Variants in ZNF718 observed in about 807,000 individuals in gnomAD.
The protein encoded by ZNF718 is zinc finger protein 718.
A neutral mutation model predicts 2.6 loss-of-function variants in ZNF718; 3 were observed. That is an observed-to-expected ratio of 1.16 (90% CI 0.53 to 3.01). The LOEUF is 3.01. Among genes scored for constraint, ZNF718 ranks in the 30% most tolerant of loss-of-function variants. The pLI is 0.03. For missense variants in ZNF718, 468 were observed against 230.0 expected, an observed-to-expected ratio of 2.03 and a Z score of -6.69; for synonymous variants, 135 against 77.9, an observed-to-expected ratio of 1.73 and a Z score of -3.86.
At chr4:166,311 T>G (rs1163280108), downstream of ZNF718, among the ~76,000 whole-genome samples, 2 of 152,202 alleles carry the variant, frequency 1.3e-5, no homozygotes, top group African/African-American at 2.4e-5. Context: ...GATAAACATA[T>G]GTGTGCATGT....
intron 3 of ZNF718, among the ~76,000 whole-genome samples, chr4:176,950 G>A (rs1400811722): frequency 1.3e-5 from 2 of 152,154 alleles, no homozygotes; most frequent in Admixed American, 6.5e-5. Flanking sequence ...ATGGAGTGCA[G>A]AACTTTACTT....
At chr4:174,868 A>G (rs1393766734) in intron 3 of ZNF718, among the ~76,000 whole-genome samples, 1 of 152,148 alleles carries the variant, frequency 6.6e-6, no homozygotes, top group Admixed American at 6.6e-5. Context: ...AGCCCTAGGG[A>G]TAAAATACTT....
At chr4:144,470 C>G (rs1715959321) in intron 3 of ZNF718, among the ~76,000 whole-genome samples, 1 of 152,156 alleles carries the variant, frequency 6.6e-6, no homozygotes, top group Admixed American at 6.6e-5. Context: ...TTTTCTGGTA[C>G]AATGGCTTTG....
Position 132,991 on chromosome 4 carries a change from G to A in ZNF718, c.226+1486G>A, listed in dbSNP as rs1715382961. ...CAGGAGTTAGAGACCAGCCTGGCAA[G>A]CATGGTGAAACCCCATCTCTACTAA... On this transcript the variant is annotated intron_variant, in intron 3 of 3. Transcript: ENST00000510175. 2.1e-5 allele frequency among the ~76,000 whole-genome samples: 2 copies of A among 94,792 alleles called. 1 individual carries two copies. Among genetic ancestry groups the A allele is most frequent in the Admixed American group, 2.4e-4 (2 of 8,304 alleles). The allele number at this position is 94,792 out of a possible 152,430, so 62.2% of individuals were successfully genotyped here. A position where few individuals can be genotyped will look rare whatever the true frequency, so the allele number is the denominator to read the frequency against.
At chr4:184,816 T>G (rs1012881456) in intron 3 of ZNF718, among the ~76,000 whole-genome samples, 1 of 152,204 alleles carries the variant, frequency 6.6e-6, no homozygotes, top group Admixed American at 6.5e-5. Flanking sequence ...TTTATAATAT[T>G]CTCTGATTGT....
At chr4:170,287 C>T (rs1717194805) in intron 3 of ZNF718, among the ~76,000 whole-genome samples, 1 of 152,130 alleles carries the variant, frequency 6.6e-6, no homozygotes, top group African/African-American at 2.4e-5. Flanking sequence ...AACATTTTTT[C>T]CTTCATTTCA....
chr4:185,211 C>CA (rs1553820333), intron 3 of ZNF718, among the ~76,000 whole-genome samples: 4 of 152,102 alleles, frequency 2.6e-5, no homozygotes, highest in African/African-American at 9.7e-5. Flanking sequence ...TCTTTGTTCT[C>CA]ATTAGTTTAA....
intron 3 of ZNF718, among the ~76,000 whole-genome samples, chr4:188,959 AT>A (rs36024882): frequency 0.42 from 61,037 of 146,388 alleles, 12,740 homozygotes; most frequent in South Asian, 0.5. Context: ...TGTGTGTTTG[AT>A]TTTTTTTTTT....
chr4:192,476 G>A (rs4690165), intron 3 of ZNF718, among the ~76,000 whole-genome samples: 137,275 of 152,206 alleles, frequency 0.9, 62,163 homozygotes, highest in Admixed American at 0.94. Context: ...AGGTGGGTGC[G>A]GTCACCTTCC....
intron 3 of ZNF718, among the ~76,000 whole-genome samples, chr4:157,103 C>CTTTTTTTTT (rs199814257): frequency 1.7e-4 from 18 of 103,112 alleles, no homozygotes; most frequent in South Asian, 3.0e-4. Flanking sequence ...TTCTTTCTTT[C>CTTTTTTTTT]TTTTTTTTTT....
rs542390077 is a variant in ZNF718 at position 136,687 on chromosome 4, A to G, written c.226+5182A>G. On this transcript the variant is annotated intron_variant, in intron 3 of 3. Transcript: ENST00000510175. ...ACTTAAGATATCTTACCTAAGTGGAATCATACACTGTCACTTTATTAGTAT... is the reference window on the plus strand; with the variant it reads ...ACTTAAGATATCTTACCTAAGTGGAGTCATACACTGTCACTTTATTAGTAT... Among the ~76,000 whole-genome samples, 256 of 152,360 alleles carry G rather than the reference A, an allele frequency of 1.7e-3. 3 individuals carry two copies. Among genetic ancestry groups the G allele is most frequent in the South Asian group, 0.012 (56 of 4,822 alleles).
intron 3 of ZNF718, among the ~76,000 whole-genome samples, chr4:150,990 T>C (rs1194692060): frequency 1.3e-5 from 2 of 152,194 alleles, no homozygotes; most frequent in Admixed American, 6.5e-5. Flanking sequence ...AAATATGTTA[T>C]CCTGTGATAC....
chr4:140,631 A>G (rs1309556308), intron 3 of ZNF718, among the ~76,000 whole-genome samples: 1 of 152,178 alleles, frequency 6.6e-6, no homozygotes, highest in Non-Finnish European at 1.5e-5. Context: ...CACAGCCTTC[A>G]TTGGATTATC....
intron 3 of ZNF718, among the ~76,000 whole-genome samples, chr4:185,047 G>A (rs782292987): frequency 1.1e-4 from 17 of 151,882 alleles, no homozygotes; most frequent in Non-Finnish European, 2.4e-4. Flanking sequence ...TGCTAACTTT[G>A]GGGTTTGTTT....
intron 3 of ZNF718, among the ~76,000 whole-genome samples, chr4:174,233 C>G (rs748238151): frequency 5.0e-4 from 76 of 152,116 alleles, no homozygotes; most frequent in Non-Finnish European, 6.9e-4. Flanking sequence ...CTTTTTCTTA[C>G]AAATTTTTCC....
chr4:180,776 G>A (rs749052698), intron 3 of ZNF718, among the ~76,000 whole-genome samples: 7 of 152,144 alleles, frequency 4.6e-5, no homozygotes, highest in South Asian at 4.1e-4. Context: ...GGTTTTAGTA[G>A]CATTTCCTAA....
chr4:125,926 C>G (rs907807472), intron 1 of ZNF718, among the ~76,000 whole-genome samples: 7 of 152,248 alleles, frequency 4.6e-5, no homozygotes, highest in Non-Finnish European at 1.5e-5. Flanking sequence ...ATCTGTTTAG[C>G]AGGAGCCCGT....
At position 162,105 on chromosome 4, in the gene ZNF718, A is replaced by G. The variant is rs1202102159; in HGVS notation, c.1420A>G (p.Thr474Ala). The change falls in exon 4 of 4, where the codon ACT (threonine) becomes GCT (alanine). Residue 474 changes from threonine to alanine, a missense_variant. Transcript: ENST00000510175. ...SNLPQHKRTH[T>A]GGKF ...CCTTCCTCAACATAAGAGAACTCAT[A>G]CTGGAGGAAAATTTTAGAAATGTGA... The G allele has an allele frequency of 1.4e-6, 1 of 739,278 alleles. No individual in the cohort carries two copies. The highest frequency in any genetic ancestry group is 2.4e-5 in the East Asian group (1 of 40,822). 45.8% of individuals were successfully genotyped at this position (739,278 alleles called of 1,614,324 possible).
chr4:128,777 CT>C (rs1715292136), intron 1 of ZNF718, among the ~76,000 whole-genome samples: 1 of 104,100 alleles, frequency 9.6e-6, no homozygotes, highest in South Asian at 3.0e-4. Context: ...TGTTCCTCCC[CT>C]CACAGAAAGA....
Sources: allele counts gnomAD v4.1 joint callset (sites outside exome capture counted in the v4.1 genomes callset), GRCh38; gene constraint gnomAD v4.1.1; transcripts MANE v1.5; gene names NCBI Gene and HGNC (gene_info 2026-07-23, HGNC 2026-07-21).